The following DMD variants were observed in gnomAD, a reference collection of about 807,000 sequenced individuals.
DMD encodes the protein dystrophin, also known as mutant dystrophin.
Under a neutral mutation model 330.1 loss-of-function variants are expected in DMD, and 63 were observed. That is an observed-to-expected ratio of 0.19 (90% CI 0.16 to 0.24). The LOEUF is 0.24. DMD is among the 10% of genes least tolerant of loss of function. DMD has a pLI of 1.00. For synonymous variants in DMD, 1,223 were observed against 959.8 expected (o/e 1.27, Z -5.07); for missense variants, 3,344 against 2,684.1 (o/e 1.25, Z -5.43).
intron 7 of DMD, among the ~76,000 whole-genome samples, chrX:32,782,898 C>T (rs1421788967): frequency 9.5e-6 from 1 of 105,316 alleles, no homozygotes; most frequent in African/African-American, 3.4e-5. Context: ...TACATATACA[C>T]ATATATATCA....
rs769658853 is a variant in DMD at position 32,697,928 on chromosome X, T to C, written c.902A>G (p.Tyr301Cys). Residue 301 changes from tyrosine (Y) to cysteine (C), a missense_variant, in exon 9 of 79, where the codon TAC becomes TGC. Physicochemically the swap from Tyr to Cys is radical, Grantham distance 194 (BLOSUM62 -2). Coordinates refer to ENST00000357033, the MANE Select transcript of DMD (RefSeq NM_004006.3). ...GGTGGTGACATAAGCAGCCTGTGTGTAGGCATAGCTCTTGAATCGAGGCTT... is the reference window on the plus strand; with the variant it reads ...GGTGGTGACATAAGCAGCCTGTGTGCAGGCATAGCTCTTGAATCGAGGCTT... Reference protein sequence around the residue: ...SPKPRFKSYAYTQAAYVTTSD... With the variant: ...SPKPRFKSYACTQAAYVTTSD... The C allele has an allele frequency of 5.0e-6, 6 of 1,208,765 alleles. No individual in the cohort carries two copies. Among genetic ancestry groups the C allele is most frequent in the Non-Finnish European group, 5.6e-6 (5 of 894,058 alleles).
chrX:32,636,167 C>G (rs781153147), intron 11 of DMD, among the ~76,000 whole-genome samples: 1 of 111,887 alleles, frequency 8.9e-6, no homozygotes, highest in African/African-American at 3.2e-5. Context: ...TGTTCATTCT[C>G]CTCTTTACAG....
intron 7 of DMD, among the ~76,000 whole-genome samples, chrX:32,719,923 G>T (rs907415735): frequency 9.2e-6 from 1 of 108,963 alleles, no homozygotes; most frequent in Non-Finnish European, 1.9e-5. Flanking sequence ...ATGTGCACAC[G>T]TGCACACACA....
chrX:32,007,211 A>T (rs1023082106), intron 44 of DMD, among the ~76,000 whole-genome samples: 4 of 39,230 alleles, frequency 1.0e-4, no homozygotes, highest in Non-Finnish European at 2.3e-4. Context: ...CTAAAACTTA[A>T]AGTATAATAA....
At position 31,507,303 on chromosome X, in the gene DMD, G is replaced by A. The variant is rs398124069; in HGVS notation, c.8368C>T (p.Arg2790Trp). 3.3e-6 allele frequency: 4 copies of A among 1,209,626 alleles called. No individual in the cohort carries two copies. The highest frequency in any genetic ancestry group is 1.8e-5 in the African/African-American group (1 of 57,081). ...TACCTAATGTTGAGAGACTTTTTCC[G>A]AAGTTCACTCCACTTGAAGTTCATG... ...DNMNFKWSEL[R>W]KKSLNIRSHL... The change falls in exon 56 of 79, where the codon CGG (arginine) becomes TGG (tryptophan). Residue 2790 changes from arginine to tryptophan, a missense_variant. Transcript: ENST00000357033.
chrX:31,167,903 A>G (rs2039586833), intron 74 of DMD, among the ~76,000 whole-genome samples: 2 of 112,026 alleles, frequency 1.8e-5, no homozygotes, highest in South Asian at 7.5e-4. Flanking sequence ...ACACTAGCTC[A>G]TTAAAGAGAG....
chrX:32,553,371 G>A (rs2049803886), intron 16 of DMD, among the ~76,000 whole-genome samples: 1 of 110,907 alleles, frequency 9.0e-6, no homozygotes, highest in African/African-American at 3.3e-5. Context: ...AGAACACACG[G>A]ACTCAAAGAA....
intron 52 of DMD, among the ~76,000 whole-genome samples, chrX:31,718,270 T>A (rs1469356638): frequency 9.0e-6 from 1 of 111,590 alleles, no homozygotes; most frequent in Non-Finnish European, 1.9e-5. Flanking sequence ...TCGAGCAAGT[T>A]CTAAAAATTC....
intron 62 of DMD, among the ~76,000 whole-genome samples, chrX:31,273,613 G>A (rs902015287): frequency 1.5e-4 from 17 of 111,962 alleles, no homozygotes; most frequent in African/African-American, 4.9e-4. Flanking sequence ...GTCATCCTAA[G>A]TTGAAACAGA....
chrX:33,207,522 A>G (rs1442300012), intron 1 of DMD, among the ~76,000 whole-genome samples: 1 of 111,556 alleles, frequency 9.0e-6, no homozygotes, highest in Non-Finnish European at 1.9e-5. Context: ...AGACACATTC[A>G]CTTTTAGTAT....
At chrX:31,493,465 TG>T (rs1444085377) in intron 57 of DMD, among the ~76,000 whole-genome samples, 2 of 111,831 alleles carry the variant, frequency 1.8e-5, no homozygotes, top group East Asian at 5.6e-4. Context: ...ATATTATGAG[TG>T]GGTGGGTATA....
At chrX:31,438,650 G>A (rs1309656616) in intron 60 of DMD, among the ~76,000 whole-genome samples, 2 of 111,475 alleles carry the variant, frequency 1.8e-5, no homozygotes, top group African/African-American at 6.5e-5. Flanking sequence ...GAAAGACATC[G>A]GTAGATGTCT....
chrX:31,605,469 C>T (rs1429078344), intron 55 of DMD, among the ~76,000 whole-genome samples: 1 of 111,143 alleles, frequency 9.0e-6, no homozygotes, highest in Non-Finnish European at 1.9e-5. Flanking sequence ...GTATCTGCAT[C>T]AATTGTTAAA....
chrX:32,644,772 G>A (rs997727922), intron 10 of DMD, among the ~76,000 whole-genome samples, 192 bp downstream of exon 10: 2 of 111,236 alleles, frequency 1.8e-5, no homozygotes, highest in African/African-American at 3.3e-5. Flanking sequence ...CCTGTTGGCC[G>A]ATCAGGTAGA....
intron 55 of DMD, among the ~76,000 whole-genome samples, chrX:31,513,742 C>A (rs2071893177): frequency 9.0e-6 from 1 of 111,458 alleles, no homozygotes; most frequent in Admixed American, 9.6e-5. Context: ...GCAGCAAGAA[C>A]AACAACATAC....
chrX:32,411,960 T>C (rs764035578), intron 29 of DMD, 47 bp from the exon 30 acceptor site: 22 of 1,197,270 alleles, frequency 1.8e-5, no homozygotes, highest in Non-Finnish European at 2.4e-5. Context: ...TTACTCTTGA[T>C]AGCTTTTCTG....
At chrX:32,831,649 CGTGTGTGTGTGTGTGTGTGT>C (rs6151283) in intron 4 of DMD, among the ~76,000 whole-genome samples, 1,544 of 89,622 alleles carry the variant, frequency 0.017, 25 homozygotes, top group African/African-American at 0.056. Context: ...AAGATATTTA[CGTGTGTGTGTGTGTGTGTGT>C]GTGTGTGTGT....
intron 7 of DMD, among the ~76,000 whole-genome samples, chrX:32,769,693 T>C (rs1186375882): frequency 1.8e-5 from 2 of 111,241 alleles, no homozygotes; most frequent in East Asian, 5.7e-4. Context: ...CTTGGAAAGA[T>C]ATAAGAGCAG....
At chrX:31,598,173 T>C (rs1273348467) in intron 55 of DMD, among the ~76,000 whole-genome samples, 3 of 110,276 alleles carry the variant, frequency 2.7e-5, no homozygotes, top group East Asian at 2.9e-4. Context: ...TACAGTAGCA[T>C]AGTCACAGCT....
Sources: gnomAD v4.1 joint callset for allele counts (sites outside exome capture counted in the v4.1 genomes callset) on GRCh38, gnomAD v4.1.1 for gene constraint, MANE v1.5 for transcripts, NCBI Gene and HGNC (gene_info 2026-07-23, HGNC 2026-07-21) for gene names.